GASK1B: variants seen among roughly 807,000 people sequenced by gnomAD.
GASK1B encodes the protein Golgi-associated kinase 1B.
A neutral mutation model predicts 42.8 loss-of-function variants in GASK1B; 34 were observed. The ratio of observed to expected loss-of-function variants is 0.79; its 90% CI spans 0.60 to 1.06. The LOEUF (loss-of-function observed/expected upper bound fraction) is 1.06, where lower values mean the gene tolerates loss of function less well. GASK1B is among the 50% of genes least tolerant of loss of function. The pLI, the probability that GASK1B is intolerant of heterozygous loss-of-function variation, is 0.00. For missense variants in GASK1B, 686 were observed against 661.0 expected (o/e 1.04, Z -0.42); for synonymous variants, 262 against 259.1 (o/e 1.01, Z -0.11).
In GASK1B at chr4:158,127,377, A is replaced by T; in HGVS notation, c.*30T>A. 1.3e-6 allele frequency: 2 copies of T among 1,591,518 alleles called. No homozygotes were observed. The highest frequency in any genetic ancestry group is 1.7e-6 in the Non-Finnish European group (2 of 1,164,298). On this transcript the variant is annotated 3_prime_UTR_variant, in exon 5 of 5. Coordinates refer to ENST00000585682, the MANE Select transcript of GASK1B (RefSeq NM_001128424.2). ...AACAAAACCAAAAATGCATAAATAT[A>T]TCTAACACCCTAGCCAGAAGATTCT...
At chr4:158,131,711 A>G (rs1730691000) in intron 3 of GASK1B, among the ~76,000 whole-genome samples, 1 of 152,224 alleles carries the variant, frequency 6.6e-6, no homozygotes, top group Non-Finnish European at 1.5e-5. Flanking sequence ...GGGTAAGGAA[A>G]GAAATAATAT....
chr4:158,136,254 A>G (rs1730885675), intron 3 of GASK1B, among the ~76,000 whole-genome samples: 1 of 152,048 alleles, frequency 6.6e-6, no homozygotes, highest in African/African-American at 2.4e-5. Flanking sequence ...AGGTGCAGTT[A>G]TGTGCACCTA....
At chr4:158,162,391 G>A (rs1222650189) in intron 2 of GASK1B, among the ~76,000 whole-genome samples, 1 of 152,112 alleles carries the variant, frequency 6.6e-6, no homozygotes, top group Non-Finnish European at 1.5e-5. Context: ...CTAGAACAAA[G>A]CAAGCACTCA....
intron 3 of GASK1B, among the ~76,000 whole-genome samples, chr4:158,152,418 A>G (rs1731592332): frequency 6.6e-6 from 1 of 152,218 alleles, no homozygotes; most frequent in Admixed American, 6.5e-5. Context: ...AGACATTCAA[A>G]GAAGAATTGT....
At chr4:158,133,363 T>A (rs998213462) in intron 3 of GASK1B, among the ~76,000 whole-genome samples, 1 of 152,214 alleles carries the variant, frequency 6.6e-6, no homozygotes, top group East Asian at 1.9e-4. Flanking sequence ...CATATGTGTT[T>A]TGAATATAAC....
intron 2 of GASK1B, among the ~76,000 whole-genome samples, chr4:158,163,570 G>GAA (rs75931814): frequency 2.1e-4 from 22 of 102,432 alleles, no homozygotes; most frequent in Non-Finnish European, 1.3e-4. Context: ...CTCTGTCTCA[G>GAA]AAAAAAAAAA....
Position 158,127,623 on chromosome 4 carries a change from A to G in GASK1B, c.1353-9T>C, listed in dbSNP as rs749698008. On this transcript the variant is annotated splice_polypyrimidine_tract_variant and intron_variant, in intron 4 of 4. Transcript: ENST00000585682. ...CTGCAGAAGCTGGAAACCTGAAAAG[A>G]TAAAATGATATTTCAATCTTAGTAA... The G allele has an allele frequency of 3.7e-5, 59 of 1,609,460 alleles. No individual in the cohort carries two copies. The highest frequency in any genetic ancestry group is 4.8e-5 in the Non-Finnish European group (57 of 1,178,058).
chr4:158,130,939 A>G lies in GASK1B; in HGVS notation c.1199T>C (p.Leu400Ser), dbSNP rs765768597. Residue 400 changes from leucine (L) to serine (S), a missense_variant, in exon 4 of 5, where the codon TTG becomes TCG. Coordinates refer to ENST00000585682, the MANE Select transcript of GASK1B (RefSeq NM_001128424.2). ...RKEDACVQNG[L>S]RPKCDDQGSA... Reference sequence around the variant, plus strand: ...ACCTTGGTCATCACATTTTGGCCTCAATCCATTCTGTACACAGGCATCTTC... The same window carrying G: ...ACCTTGGTCATCACATTTTGGCCTCGATCCATTCTGTACACAGGCATCTTC... 1 of 1,614,116 alleles carries G rather than the reference A, an allele frequency of 6.2e-7. No individual in the cohort carries two copies. The highest frequency in any genetic ancestry group is 1.1e-5 in the South Asian group (1 of 91,080).
intron 2 of GASK1B, among the ~76,000 whole-genome samples, chr4:158,166,606 T>A (rs1402701719): frequency 1.3e-5 from 2 of 152,100 alleles, no homozygotes; most frequent in African/African-American, 2.4e-5. Flanking sequence ...GCTGGTAGAA[T>A]TTGTATGAGG....
intron 3 of GASK1B, among the ~76,000 whole-genome samples, chr4:158,143,632 A>C (rs952180966): frequency 2.0e-5 from 3 of 152,216 alleles, no homozygotes; most frequent in Non-Finnish European, 4.4e-5. Flanking sequence ...AATATGAAAC[A>C]CTAAGCAGAG....
intron 3 of GASK1B, among the ~76,000 whole-genome samples, chr4:158,137,675 C>G (rs1730954427): frequency 6.6e-6 from 1 of 152,130 alleles, no homozygotes; most frequent in Non-Finnish European, 1.5e-5. Context: ...ATAGACACAG[C>G]CTCTTGCTTG....
chr4:158,157,741 G>A (rs1208975460), intron 2 of GASK1B, among the ~76,000 whole-genome samples: 1 of 152,094 alleles, frequency 6.6e-6, no homozygotes, highest in Non-Finnish European at 1.5e-5. Context: ...AGTTTCCTCA[G>A]CAATTCATAT....
intron 3 of GASK1B, among the ~76,000 whole-genome samples, chr4:158,134,226 A>G (rs1388118755): frequency 6.6e-6 from 1 of 152,192 alleles, no homozygotes; most frequent in African/African-American, 2.4e-5. Flanking sequence ...TTTTCTATTG[A>G]GCATATTTAT....
chr4:158,140,920 AT>A (rs1013421996), intron 3 of GASK1B, among the ~76,000 whole-genome samples: 19 of 152,210 alleles, frequency 1.2e-4, no homozygotes, highest in African/African-American at 4.3e-4. Flanking sequence ...AAATTTAAAA[AT>A]ATATACTGCA....
chr4:158,126,777 A>T lies in GASK1B; in HGVS notation c.*630T>A, dbSNP rs935400932. The T allele has an allele frequency of 1.3e-5, 2 of 152,288 alleles. No individual in the cohort carries two copies. Among genetic ancestry groups the T allele is most frequent in the South Asian group, 2.1e-4 (1 of 4,824 alleles). 9.4% of individuals were successfully genotyped at this position (152,288 alleles called of 1,614,324 possible). A position where few individuals can be genotyped will look rare whatever the true frequency, so the allele number is the denominator to read the frequency against. ...ACAACAAAATAAATTTCTAAAAAGG[A>T]ATGGAAAATATGATTCTTGTACTTA... On this transcript the variant is annotated 3_prime_UTR_variant, in exon 5 of 5. Coordinates refer to ENST00000585682, the MANE Select transcript of GASK1B (RefSeq NM_001128424.2).
chr4:158,150,263 T>C (rs1208073399), intron 3 of GASK1B, among the ~76,000 whole-genome samples: 1 of 152,148 alleles, frequency 6.6e-6, no homozygotes, highest in African/African-American at 2.4e-5. Context: ...CACCAGAGAA[T>C]ATCTCCCTCT....
At chr4:158,165,847 C>T (rs1414437510) in intron 2 of GASK1B, among the ~76,000 whole-genome samples, 1 of 152,022 alleles carries the variant, frequency 6.6e-6, no homozygotes, top group African/African-American at 2.4e-5. Context: ...CAGGATTCCC[C>T]TATTTAAAAT....
intron 2 of GASK1B, among the ~76,000 whole-genome samples, chr4:158,162,695 C>T (rs948373010): frequency 1.3e-4 from 20 of 152,276 alleles, no homozygotes; most frequent in African/African-American, 4.3e-4. Flanking sequence ...GGTGGAAACA[C>T]TACTGCCTCT....
chr4:158,144,385 T>C (rs1335086828), intron 3 of GASK1B, among the ~76,000 whole-genome samples: 1 of 152,210 alleles, frequency 6.6e-6, no homozygotes, highest in Non-Finnish European at 1.5e-5. Context: ...TAGTAGAAAC[T>C]GTGTCTAAGT....
Sources: allele counts gnomAD v4.1 joint callset (sites outside exome capture counted in the v4.1 genomes callset), GRCh38; gene constraint gnomAD v4.1.1; transcripts MANE v1.5; gene names NCBI Gene and HGNC (gene_info 2026-07-23, HGNC 2026-07-21).